KIF15: variants seen among roughly 807,000 people sequenced by gnomAD.
KIF15 encodes kinesin-like protein KIF15.
A neutral mutation model predicts 190.6 loss-of-function variants in KIF15; 140 were observed. That is an observed-to-expected ratio of 0.73 (90% CI 0.64 to 0.84). The LOEUF is 0.84. KIF15 is among the 40% of genes least tolerant of loss of function. The probability of loss-of-function intolerance (pLI) is 0.00; values close to 1 mark genes in which losing one functional copy is unlikely to be tolerated. For missense variants in KIF15, 1,372 were observed against 1,584.4 expected (o/e 0.87, Z 2.28); for synonymous variants, 528 against 551.3 (o/e 0.96, Z 0.59).
intron 29 of KIF15, among the ~76,000 whole-genome samples, chr3:44,842,582 G>A (rs925971581): frequency 6.6e-6 from 1 of 152,190 alleles, no homozygotes; most frequent in East Asian, 1.9e-4. Flanking sequence ...TCTCAGGAAT[G>A]TGGCTGTTAT....
chr3:44,807,461 G>A (rs1203285512), intron 16 of KIF15, among the ~76,000 whole-genome samples: 1 of 152,066 alleles, frequency 6.6e-6, no homozygotes, highest in East Asian at 1.9e-4. Context: ...CTGACCTCAG[G>A]TGATCCGCCC....
chr3:44,793,510 T>C (rs942459660), intron 7 of KIF15, among the ~76,000 whole-genome samples: 1 of 152,216 alleles, frequency 6.6e-6, no homozygotes, highest in African/African-American at 2.4e-5. Context: ...ATTTCCTGTT[T>C]GTTCTGTTTC....
chr3:44,802,426 CT>C lies in KIF15; in HGVS notation c.1510-384del, dbSNP rs1418943216. Among the ~76,000 whole-genome samples the C allele has an allele frequency of 6.6e-5, 10 of 152,230 alleles. No homozygotes were observed. The South Asian group carries it at 1.9e-3, about 28-fold the overall frequency. On this transcript the variant is annotated intron_variant, in intron 13 of 34. Coordinates refer to ENST00000326047, the MANE Select transcript of KIF15 (RefSeq NM_020242.3). ...AAACTAATATGGGTGGATATTTGTA[CT>C]TTTGTTTCTCCTGTACACTTTTTTG...
At chr3:44,827,302 A>C in intron 22 of KIF15, 157 bp from the exon 23 acceptor site, 1 of 576,290 alleles carries the variant, frequency 1.7e-6, no homozygotes, top group Non-Finnish European at 3.2e-6. Context: ...TTTTTGAAGA[A>C]ATGGGTTCAA....
Position 44,786,584 on chromosome 3 carries a change from C to G in KIF15, c.639+10C>G. 6.2e-7 allele frequency: 1 copy of G among 1,600,802 alleles called. No homozygotes were observed. The highest frequency in any genetic ancestry group is 8.5e-7 in the Non-Finnish European group (1 of 1,170,562). ...TGCTGAAGCCTATCAGGTACCCTGCCATGAGTACTTAATTGGTGCTTAGGC... is the reference window on the plus strand; with the variant it reads ...TGCTGAAGCCTATCAGGTACCCTGCGATGAGTACTTAATTGGTGCTTAGGC... On this transcript the variant is annotated intron_variant, in intron 7 of 34. Transcript: ENST00000326047.
Position 44,841,122 on chromosome 3 carries a change from G to A in KIF15, c.3469G>A (p.Glu1157Lys). 1 of 1,613,732 alleles carries A rather than the reference G, an allele frequency of 6.2e-7. No homozygotes were observed. Among genetic ancestry groups the A allele is most frequent in the Non-Finnish European group, 8.5e-7 (1 of 1,179,802 alleles). The change falls in exon 29 of 35, where the codon GAA becomes AAA. Residue 1157 changes from glutamate to lysine, a missense_variant. Physicochemically the swap from Glu to Lys is moderately conservative, Grantham distance 56. Transcript: ENST00000326047. The stretch of plus-strand genomic sequence containing the variant: ...TCAAACACATTTGGCAAAACTCCTG[G>A]AAACACAAGAACAAGAGATAGAAGA... The part of the protein sequence containing the change: ...HFQTHLAKLL[E>K]TQEQEIEDGR...
At chr3:44,819,270 TTC>T (rs1390770477) in intron 20 of KIF15, among the ~76,000 whole-genome samples, 1 of 152,206 alleles carries the variant, frequency 6.6e-6, no homozygotes, top group Admixed American at 6.5e-5. Flanking sequence ...TCTTAGTTAT[TTC>T]CTGCCTTCTG....
chr3:44,860,379 GT>G lies in KIF15; in HGVS notation c.*59+7594del, dbSNP rs5848713. Among the ~76,000 whole-genome samples the G allele has an allele frequency of 9.9e-5, 15 of 150,902 alleles. No individual in the cohort carries two copies. In the East Asian group the frequency reaches 2.3e-3, roughly 23 times the overall value. On this transcript the variant is annotated intron_variant and NMD_transcript_variant, in intron 6 of 6. Transcript: ENST00000422209. ...TATTGGCGTTACTGAAATTATCCGT[GT>G]TTTTTTTTGAGACAGAGCCTTACTC...
rs768485215 is a variant in KIF15, at chr3:44,794,269, G to T, written c.692G>T (p.Arg231Ile). The T allele has an allele frequency of 6.2e-7, 1 of 1,614,086 alleles. No homozygotes were observed. Among genetic ancestry groups the T allele is most frequent in the Non-Finnish European group, 8.5e-7 (1 of 1,179,984 alleles). The change falls in exon 8 of 35, where the codon AGA becomes ATA. Residue 231 changes from arginine (R) to isoleucine (I), a missense_variant. By Grantham distance (97) the Arg-to-Ile change is moderately conservative. Coordinates refer to ENST00000326047, the MANE Select transcript of KIF15 (RefSeq NM_020242.3). ...CGTGTGGCATCAACATCAATGAACA[G>T]AGAATCGTCTAGGTCTCATGCCGTC... ...NRRVASTSMN[R>I]ESSRSHAVFT...
chr3:44,781,733 G>A (rs1420254918), intron 5 of KIF15, among the ~76,000 whole-genome samples: 1 of 152,094 alleles, frequency 6.6e-6, no homozygotes, highest in Non-Finnish European at 1.5e-5. Context: ...AGCCATTCTT[G>A]AGTATGTATA....
intron 7 of KIF15, among the ~76,000 whole-genome samples, chr3:44,793,350 A>G (rs1368019806): frequency 6.6e-6 from 1 of 152,196 alleles, no homozygotes; most frequent in African/African-American, 2.4e-5. Context: ...AAGCTTACAA[A>G]ACTTTGGGCT....
intron 1 of KIF15, among the ~76,000 whole-genome samples, chr3:44,772,863 G>A (rs1372499059): frequency 6.6e-6 from 1 of 152,178 alleles, no homozygotes; most frequent in Non-Finnish European, 1.5e-5. Context: ...GTTACAGGCC[G>A]TGCTTCCAAG....
rs1213224073 is a variant in KIF15 at position 44,841,123 on chromosome 3, A to G, written c.3470A>G (p.Glu1157Gly). ...CAAACACATTTGGCAAAACTCCTGG[A>G]AACACAAGAACAAGAGATAGAAGAT... ...HFQTHLAKLLETQEQEIEDGR... is the reference protein window; with the variant it reads ...HFQTHLAKLLGTQEQEIEDGR... Residue 1157 changes from glutamate (E) to glycine (G), a missense_variant, in exon 29 of 35, where the codon GAA (glutamate) becomes GGA (glycine). Coordinates refer to ENST00000326047, the MANE Select transcript of KIF15 (RefSeq NM_020242.3). 1 of 1,613,854 alleles carries G rather than the reference A, an allele frequency of 6.2e-7. No individual in the cohort carries two copies. The highest frequency in any genetic ancestry group is 8.5e-7 in the Non-Finnish European group (1 of 1,179,800).
At chr3:44,804,915 G>A in intron 14 of KIF15, 112 bp from the exon 15 acceptor site, 1 of 1,160,726 alleles carries the variant, frequency 8.6e-7, no homozygotes, top group South Asian at 1.7e-5. Context: ...TGGGGCTTTA[G>A]TACACTATGA....
At chr3:44,776,869 T>C (rs1484420573) in intron 3 of KIF15, among the ~76,000 whole-genome samples, 1 of 152,214 alleles carries the variant, frequency 6.6e-6, no homozygotes, top group Non-Finnish European at 1.5e-5. Context: ...TAGTCACATG[T>C]GGCTCCTGAG....
At chr3:44,797,323 C>T (rs1707036482) in intron 8 of KIF15, among the ~76,000 whole-genome samples, 1 of 152,216 alleles carries the variant, frequency 6.6e-6, no homozygotes, top group South Asian at 2.1e-4. Context: ...GCCACAGTGC[C>T]AGCCTGTGTT....
At chr3:44,837,814 A>G (rs1698400702) in intron 26 of KIF15, among the ~76,000 whole-genome samples, 1 of 152,204 alleles carries the variant, frequency 6.6e-6, no homozygotes, top group African/African-American at 2.4e-5. Flanking sequence ...TTGATGGTCT[A>G]TGACAATGAA....
intron 32 of KIF15, among the ~76,000 whole-genome samples, chr3:44,850,052 A>G (rs1699008073): frequency 6.6e-6 from 1 of 152,218 alleles, no homozygotes; most frequent in African/African-American, 2.4e-5. Flanking sequence ...AATCTTGTTC[A>G]CATAGTTAAG....
intron 6 of KIF15, chr3:44,861,817 CGGAGCGTGGCGTCACA>C (rs1310689148): frequency 7.9e-7 from 1 of 1,269,454 alleles, no homozygotes; most frequent in Non-Finnish European, 1.1e-6. Context: ...AGGGGCCTGC[CGGAGCGTGGCGTCACA>C]GGAGCGTCGC....
Sources: allele counts gnomAD v4.1 joint callset (sites outside exome capture counted in the v4.1 genomes callset), GRCh38; gene constraint gnomAD v4.1.1; transcripts MANE v1.5; gene names NCBI Gene and HGNC (gene_info 2026-07-23, HGNC 2026-07-21).